BCAR3: variants seen among roughly 807,000 people sequenced by gnomAD.
BCAR3 encodes the protein breast cancer anti-estrogen resistance protein 3.
Under a neutral mutation model 80.1 loss-of-function variants are expected in BCAR3, and 37 were observed. The ratio of observed to expected loss-of-function variants is 0.46; its 90% CI spans 0.36 to 0.61. The LOEUF is 0.61. Ranked by LOEUF, BCAR3 falls within the 20% of genes least tolerant of loss-of-function variation. BCAR3 has a pLI of 0.00. For synonymous variants in BCAR3, 389 were observed against 418.9 expected (o/e 0.93, Z 0.87); for missense variants, 978 against 1,068.2 (o/e 0.92, Z 1.18).
At chr1:93,578,113 C>T (rs1673531125) in intron 7 of BCAR3, among the ~76,000 whole-genome samples, 1 of 152,238 alleles carries the variant, frequency 6.6e-6, no homozygotes, top group Admixed American at 6.5e-5. Flanking sequence ...TCCTTCTGCC[C>T]TCCAAATCTT....
At chr1:93,750,791 T>G (rs1393764271) in intron 2 of BCAR3, among the ~76,000 whole-genome samples, 1 of 152,070 alleles carries the variant, frequency 6.6e-6, no homozygotes, top group Non-Finnish European at 1.5e-5. Context: ...GACATGTGAG[T>G]GAATGAGCTT....
At chr1:93,583,717 G>A (rs1175448703) in intron 6 of BCAR3, among the ~76,000 whole-genome samples, 1 of 152,148 alleles carries the variant, frequency 6.6e-6, no homozygotes, top group African/African-American at 2.4e-5. Context: ...GAAAACCTGG[G>A]TTCAAATGCT....
At chr1:93,843,102 G>A (rs914552905) in intron 2 of BCAR3, among the ~76,000 whole-genome samples, 1 of 152,182 alleles carries the variant, frequency 6.6e-6, no homozygotes, top group Non-Finnish European at 1.5e-5. Context: ...CTTGTCTTGG[G>A]AAACCATGTG....
At chr1:93,667,210 A>G (rs952345825) in intron 2 of BCAR3, among the ~76,000 whole-genome samples, 18 of 152,326 alleles carry the variant, frequency 1.2e-4, no homozygotes, top group African/African-American at 4.3e-4. Context: ...AGTGGCTTTG[A>G]GCCAGGCGTC....
At chr1:93,646,690 C>T (rs1676156798) in intron 2 of BCAR3, 1 of 151,728 alleles carries the variant, frequency 6.6e-6, no homozygotes, top group Admixed American at 6.6e-5. Context: ...GGGTTATCAA[C>T]TATAAAACCC....
Position 93,582,709 on chromosome 1 carries a change from C to G in BCAR3, c.1278G>C (p.Glu426Asp). Residue 426 changes from glutamate (E) to aspartate (D), a missense_variant, in exon 7 of 12, where the codon GAG becomes GAC. Physicochemically the swap from Glu to Asp is conservative, Grantham distance 45. Transcript: ENST00000260502. ...CTGGGTTCAGTTCACAGTAGTTGGCCTCTGAGTTGAGCCAGGCAGAGGGAG... is the reference window on the plus strand; with the variant it reads ...CTGGGTTCAGTTCACAGTAGTTGGCGTCTGAGTTGAGCCAGGCAGAGGGAG... ...PSSPSAWLNSEANYCELNPAF... is the reference protein window; with the variant it reads ...PSSPSAWLNSDANYCELNPAF... 1 of 1,614,078 alleles carries G rather than the reference C, an allele frequency of 6.2e-7. No individual in the cohort carries two copies. The highest frequency in any genetic ancestry group is 8.5e-7 in the Non-Finnish European group (1 of 1,180,018).
At chr1:93,617,272 C>A (rs755229632) in intron 3 of BCAR3, among the ~76,000 whole-genome samples, 6 of 152,230 alleles carry the variant, frequency 3.9e-5, no homozygotes, top group Non-Finnish European at 5.9e-5. Context: ...GAGGTAGGCC[C>A]TCTCTCCAAC....
intron 3 of BCAR3, among the ~76,000 whole-genome samples, chr1:93,603,576 G>A (rs1674689584): frequency 6.6e-6 from 1 of 152,208 alleles, no homozygotes; most frequent in Admixed American, 6.5e-5. Context: ...AAAGCTCAGT[G>A]AAGCAGCCTT....
chr1:93,809,160 A>G (rs1319986804), intron 2 of BCAR3, among the ~76,000 whole-genome samples: 1 of 152,080 alleles, frequency 6.6e-6, no homozygotes, highest in Non-Finnish European at 1.5e-5. Context: ...ATGTTCTTTG[A>G]AGTTGAGGAG....
intron 3 of BCAR3, among the ~76,000 whole-genome samples, chr1:93,640,249 C>A (rs1285063811): frequency 6.6e-5 from 10 of 152,122 alleles, no homozygotes; most frequent in Admixed American, 6.5e-4. Flanking sequence ...CTACAACAGA[C>A]CCAACCCAAG....
At chr1:93,784,034 G>A (rs1652856027) in intron 2 of BCAR3, among the ~76,000 whole-genome samples, 1 of 152,186 alleles carries the variant, frequency 6.6e-6, no homozygotes. Context: ...CCAATGTGGA[G>A]ACAAACCAAG....
chr1:93,827,901 C>T (rs563058924), intron 2 of BCAR3, among the ~76,000 whole-genome samples: 1 of 152,196 alleles, frequency 6.6e-6, no homozygotes, highest in Admixed American at 6.5e-5. Context: ...CAGAAGCAGC[C>T]CCAGTAGCAA....
chr1:93,571,818 A>G lies in BCAR3; in HGVS notation c.1826T>C (p.Ile609Thr). The change falls in exon 9 of 12, where the codon ATT (isoleucine) becomes ACT (threonine). Residue 609 changes from isoleucine to threonine, a missense_variant. Transcript: ENST00000260502. ...IERHNTMAIG[I>T]AVDILGCTGT... ...CGTGCATCCCAGAATGTCCACTGCAATGCCGATGGCCATTGTGTTGTGTCT... is the reference window on the plus strand; with the variant it reads ...CGTGCATCCCAGAATGTCCACTGCAGTGCCGATGGCCATTGTGTTGTGTCT... 6.2e-7 allele frequency: 1 copy of G among 1,614,012 alleles called. No individual in the cohort carries two copies. The highest frequency in any genetic ancestry group is 8.5e-7 in the Non-Finnish European group (1 of 1,180,004).
chr1:93,761,340 G>C (rs1191760902), intron 2 of BCAR3, among the ~76,000 whole-genome samples: 1 of 151,894 alleles, frequency 6.6e-6, no homozygotes, highest in African/African-American at 2.4e-5. Context: ...ACTGCTCAGA[G>C]AGGAGGTCTG....
In BCAR3 at chr1:93,801,509, C is replaced by T. The variant is rs376760235; in HGVS notation, c.-63+44058G>A. 2.0e-5 allele frequency among the ~76,000 whole-genome samples: 3 copies of T among 152,234 alleles called. No individual in the cohort carries two copies. In the South Asian group the frequency reaches 6.2e-4, roughly 32 times the overall value. On this transcript the variant is annotated intron_variant, in intron 2 of 13. Transcript: ENST00000370244. ...ATATTGTCTAAAACCCTTTTCAAAT[C>T]TTTCAAAGTAATCCAGCACGATCTT...
chr1:93,720,401 G>A (rs1012213619), intron 2 of BCAR3: 1 of 152,298 alleles, frequency 6.6e-6, no homozygotes, highest in African/African-American at 2.4e-5. Context: ...TCCTGGCTGT[G>A]TGCTCTTGGG....
chr1:93,760,114 G>A (rs1311730860), intron 2 of BCAR3, among the ~76,000 whole-genome samples: 1 of 152,082 alleles, frequency 6.6e-6, no homozygotes, highest in Non-Finnish European at 1.5e-5. Context: ...GACCCAGCAA[G>A]TGCCTGGCAT....
At chr1:93,618,948 T>G (rs1012234928) in intron 3 of BCAR3, among the ~76,000 whole-genome samples, 3 of 151,296 alleles carry the variant, frequency 2.0e-5, no homozygotes, top group South Asian at 2.1e-4. Context: ...TGTTTTTTTT[T>G]TTTTAATCTG....
intron 2 of BCAR3, among the ~76,000 whole-genome samples, chr1:93,825,974 A>C (rs1654358840): frequency 6.6e-6 from 1 of 152,220 alleles, no homozygotes; most frequent in African/African-American, 2.4e-5. Flanking sequence ...CAAAGCAGAG[A>C]GTGAGAAGAA....
Sources: allele counts gnomAD v4.1 joint callset (sites outside exome capture counted in the v4.1 genomes callset), GRCh38; gene constraint gnomAD v4.1.1; transcripts MANE v1.5; gene names NCBI Gene and HGNC (gene_info 2026-07-23, HGNC 2026-07-21).